CHSY3: variants seen among roughly 807,000 people sequenced by gnomAD.
The protein encoded by CHSY3 is chondroitin sulfate synthase 3, also known as N-acetylgalactosaminyl-proteoglycan 3-beta-glucuronosyltransferase 3.
Under a neutral mutation model 67.2 loss-of-function variants are expected in CHSY3, and 35 were observed. The ratio of observed to expected loss-of-function variants is 0.52; its 90% CI spans 0.40 to 0.69. CHSY3 has a LOEUF of 0.69. Ranked by LOEUF, CHSY3 falls within the 30% of genes least tolerant of loss-of-function variation. CHSY3 has a pLI of 0.00. For synonymous variants in CHSY3, 474 were observed against 434.7 expected (o/e 1.09, Z -1.12); for missense variants, 1,069 against 1,138.5 (o/e 0.94, Z 0.88).
chr5:130,143,756 A>ATATATATATATATATG (rs1433405052), intron 2 of CHSY3, among the ~76,000 whole-genome samples: 12 of 101,918 alleles, frequency 1.2e-4, no homozygotes, highest in African/African-American at 5.2e-4. Context: ...ATATATATAT[A>ATATATATATATATATG]TGTGTGTGTG....
chr5:130,064,308 T>C (rs1408754426), intron 2 of CHSY3, among the ~76,000 whole-genome samples: 1 of 152,174 alleles, frequency 6.6e-6, no homozygotes, highest in Non-Finnish European at 1.5e-5. Context: ...ACAGGAGTCC[T>C]GTCATGTAGA....
chr5:130,068,894 A>G (rs949516058), intron 2 of CHSY3, among the ~76,000 whole-genome samples: 3 of 152,178 alleles, frequency 2.0e-5, no homozygotes, highest in African/African-American at 7.2e-5. Flanking sequence ...TCCTTCTGGC[A>G]TCTACAAAGT....
intron 2 of CHSY3, among the ~76,000 whole-genome samples, chr5:130,084,159 C>T (rs1766534352): frequency 6.6e-6 from 1 of 151,908 alleles, no homozygotes; most frequent in South Asian, 2.1e-4. Context: ...AGGCACTTTT[C>T]CACTTGCTAT....
chr5:129,994,073 A>G (rs1763454822), intron 2 of CHSY3, among the ~76,000 whole-genome samples: 1 of 152,216 alleles, frequency 6.6e-6, no homozygotes. Flanking sequence ...GTTTCTGCCG[A>G]GAGATCAGCT....
intron 2 of CHSY3, among the ~76,000 whole-genome samples, chr5:130,171,143 A>T (rs1769884640): frequency 6.6e-6 from 1 of 152,132 alleles, no homozygotes; most frequent in Admixed American, 6.5e-5. Flanking sequence ...TTCTACTTGA[A>T]AGTTTACCAA....
At chr5:130,146,595 A>G (rs1769081213) in intron 2 of CHSY3, among the ~76,000 whole-genome samples, 2 of 152,156 alleles carry the variant, frequency 1.3e-5, no homozygotes, top group African/African-American at 4.8e-5. Context: ...ATTATGAAAT[A>G]TCAGAAGATA....
At chr5:130,126,650 A>G (rs758882963) in intron 2 of CHSY3, among the ~76,000 whole-genome samples, 2 of 152,176 alleles carry the variant, frequency 1.3e-5, no homozygotes, top group African/African-American at 2.4e-5. Context: ...TGATCTTATA[A>G]TTTTATGTTT....
At chr5:130,040,909 A>G (rs1397615755) in intron 2 of CHSY3, among the ~76,000 whole-genome samples, 1 of 152,082 alleles carries the variant, frequency 6.6e-6, no homozygotes, top group Non-Finnish European at 1.5e-5. Flanking sequence ...AGAAGAGAAA[A>G]TACTGTTTAG....
intron 2 of CHSY3, among the ~76,000 whole-genome samples, chr5:130,100,661 A>G (rs557368691): frequency 1.3e-5 from 2 of 152,312 alleles, no homozygotes; most frequent in East Asian, 3.9e-4. Context: ...GTTCCAATTA[A>G]TAGGGTAAGA....
chr5:130,157,717 G>A (rs1009441244), intron 2 of CHSY3, among the ~76,000 whole-genome samples: 1 of 151,596 alleles, frequency 6.6e-6, no homozygotes, highest in Non-Finnish European at 1.5e-5. Flanking sequence ...TGAATCCATA[G>A]GGTAAAGTGA....
intron 2 of CHSY3, chr5:130,141,578 A>C (rs1768867519): frequency 2.1e-6 from 1 of 476,452 alleles, no homozygotes; most frequent in Non-Finnish European, 4.1e-6. Context: ...TGTATGGTCC[A>C]GGAAGCTGAG....
rs1316674148 is a variant in CHSY3 at position 129,904,849 on chromosome 5, G to A, written c.20G>A (p.Arg7His). 15 of 1,453,348 alleles carry A rather than the reference G, an allele frequency of 1.0e-5. No homozygotes were observed. The East Asian group carries it at 3.5e-4, about 34-fold the overall frequency. 90.0% of individuals were successfully genotyped at this position (1,453,348 alleles called of 1,614,324 possible). A position where few individuals can be genotyped will look rare whatever the true frequency, so the allele number is the denominator to read the frequency against. Reference sequence around the variant, plus strand: ...GCCGCGATGGCTGTGCGCTCTCGCCGCCCGTGGATGAGCGTGGCATTAGGG... The same window carrying A: ...GCCGCGATGGCTGTGCGCTCTCGCCACCCGTGGATGAGCGTGGCATTAGGG... Reference protein sequence around the residue: MAVRSRRPWMSVALGLV... With the variant: MAVRSRHPWMSVALGLV... The change falls in exon 1 of 3, where the codon CGC becomes CAC. Residue 7 changes from arginine (R) to histidine (H), a missense_variant. By Grantham distance (29) the Arg-to-His change is conservative. Coordinates refer to ENST00000305031, the MANE Select transcript of CHSY3 (RefSeq NM_175856.5).
At position 129,942,640 on chromosome 5, in the gene CHSY3, G is replaced by C. The variant is rs577874050; in HGVS notation, c.1086+34280G>C. ...GTGTATATTTTATCTCCGTTTTATAGATAATGAAACTGCCTCTTAGGGGAG... is the reference window on the plus strand; with the variant it reads ...GTGTATATTTTATCTCCGTTTTATACATAATGAAACTGCCTCTTAGGGGAG... On this transcript the variant is annotated intron_variant, in intron 2 of 2. Transcript: ENST00000305031. Among the ~76,000 whole-genome samples, 11 of 152,184 alleles carry C rather than the reference G, an allele frequency of 7.2e-5. No individual in the cohort carries two copies. In the South Asian group the frequency reaches 2.3e-3, roughly 32 times the overall value.
At chr5:130,068,097 G>T (rs192547991) in intron 2 of CHSY3, among the ~76,000 whole-genome samples, 1 of 152,096 alleles carries the variant, frequency 6.6e-6, no homozygotes, top group Admixed American at 6.6e-5. Flanking sequence ...CTTCAATGTG[G>T]CCTGTTTCAA....
intron 2 of CHSY3, among the ~76,000 whole-genome samples, chr5:130,096,622 G>GT (rs1003943741): frequency 1.5e-4 from 23 of 151,588 alleles, no homozygotes; most frequent in Admixed American, 4.6e-4. Context: ...TCAAAATAAA[G>GT]TTTTTTTTTA....
At chr5:130,164,992 G>C (rs1362160551) in intron 2 of CHSY3, among the ~76,000 whole-genome samples, 1 of 152,142 alleles carries the variant, frequency 6.6e-6, no homozygotes. Context: ...AGGAGAGAAA[G>C]AAGCCAGTAT....
intron 2 of CHSY3, among the ~76,000 whole-genome samples, chr5:130,138,748 G>A (rs1218911307): frequency 6.6e-6 from 1 of 152,138 alleles, no homozygotes; most frequent in Non-Finnish European, 1.5e-5. Flanking sequence ...TTGCTAAAGT[G>A]GTGATAAATT....
intron 2 of CHSY3, among the ~76,000 whole-genome samples, chr5:130,151,029 C>G (rs1183094567): frequency 1.3e-5 from 2 of 152,114 alleles, no homozygotes; most frequent in Non-Finnish European, 2.9e-5. Flanking sequence ...AATGCAGGAA[C>G]ATTTTGTAAG....
At chr5:130,004,275 A>G (rs1452891067) in intron 2 of CHSY3, among the ~76,000 whole-genome samples, 1 of 152,182 alleles carries the variant, frequency 6.6e-6, no homozygotes, top group Admixed American at 6.5e-5. Flanking sequence ...GAACCACGCA[A>G]CATAAAGTTG....
Sources: gnomAD v4.1 joint callset for allele counts (sites outside exome capture counted in the v4.1 genomes callset) on GRCh38, gnomAD v4.1.1 for gene constraint, MANE v1.5 for transcripts, NCBI Gene and HGNC (gene_info 2026-07-23, HGNC 2026-07-21) for gene names.